The following HCN4 variants were observed in gnomAD, a reference collection of about 807,000 sequenced individuals.
HCN4 encodes potassium/sodium hyperpolarization-activated cyclic nucleotide-gated channel 4.
In HCN4, 29 loss-of-function variants were observed where a neutral mutation model predicts 76.9. The ratio of observed to expected loss-of-function variants is 0.38; its 90% CI spans 0.28 to 0.51. HCN4 has a LOEUF of 0.51. Ranked by LOEUF, HCN4 falls within the 20% of genes least tolerant of loss-of-function variation. The pLI is 0.90. For synonymous variants in HCN4, 772 were observed against 762.5 expected (o/e 1.01, Z -0.21); for missense variants, 1,416 against 1,715.2 (o/e 0.83, Z 3.08).
At chr15:73,355,252 C>T (rs1200749385) in intron 1 of HCN4, among the ~76,000 whole-genome samples, 4 of 152,196 alleles carry the variant, frequency 2.6e-5, no homozygotes, top group Admixed American at 6.5e-5. Context: ...GTTCTAGTCC[C>T]GTCCCTGTCT....
rs2042876700 is a variant in HCN4 at position 73,323,404 on chromosome 15, C to CTGA, written c.2686_2688dup (p.Ser896dup). On this transcript the variant is annotated inframe_insertion, in exon 8 of 8. Coordinates refer to ENST00000261917, the MANE Select transcript of HCN4 (RefSeq NM_005477.3). ...GCTATGGTGGTGGCGGCTACGCCAG[C>CTGA]TGATGGTGTGGGAGCCGAGGGGGAG... is the stretch of plus-strand genomic sequence containing the variant. The CTGA allele has an allele frequency of 1.3e-6, 2 of 1,599,228 alleles. No individual in the cohort carries two copies. The highest frequency in any genetic ancestry group is 2.3e-5 in the East Asian group (1 of 44,242).
intron 4 of HCN4, among the ~76,000 whole-genome samples, chr15:73,326,347 ACC>A (rs1195028690): frequency 2.6e-5 from 4 of 152,180 alleles, no homozygotes; most frequent in Non-Finnish European, 5.9e-5. Context: ...GCACAGAAAC[ACC>A]CACGGGCAAA....
Position 73,343,355 on chromosome 15 carries a change from TCCC to T in HCN4, c.1209+27_1209+29del. 1 of 1,609,962 alleles carries T rather than the reference TCCC, an allele frequency of 6.2e-7. No individual in the cohort carries two copies. Among genetic ancestry groups the T allele is most frequent in the Non-Finnish European group, 8.5e-7 (1 of 1,177,036 alleles). On this transcript the variant is annotated intron_variant, in intron 2 of 7. Coordinates refer to ENST00000261917, the MANE Select transcript of HCN4 (RefSeq NM_005477.3). This position sits in a 1 kb window ranked among gnomAD's most constrained non-coding sequence, Gnocchi z 5.7. Reference sequence around the variant, plus strand: ...CACTCCCTCTGTGGGGAGTGGCCTTTCCCCCAAGAGGTTTGCACTGACCACTTA... The same window carrying T: ...CACTCCCTCTGTGGGGAGTGGCCTTTCCAAGAGGTTTGCACTGACCACTTA...
At chr15:73,355,073 A>G (rs114199076) in intron 1 of HCN4, among the ~76,000 whole-genome samples, 1 of 152,196 alleles carries the variant, frequency 6.6e-6, no homozygotes, top group Non-Finnish European at 1.5e-5. Context: ...TCCAGAAAGG[A>G]GCAGGGGGCA....
chr15:73,351,688 C>A (rs2043055520), intron 1 of HCN4, among the ~76,000 whole-genome samples: 1 of 152,204 alleles, frequency 6.6e-6, no homozygotes, highest in African/African-American at 2.4e-5. Context: ...CCAGCACCCT[C>A]CTCCAATCGA....
At position 73,325,322 on chromosome 15, in the gene HCN4, G is replaced by A. The variant is rs754495351; in HGVS notation, c.1713C>T (p.Gly571=). The change falls in exon 5 of 8, where the codon GGC becomes GGT. Residue 571 remains glycine, a synonymous_variant. Coordinates refer to ENST00000261917, the MANE Select transcript of HCN4 (RefSeq NM_005477.3). This position sits in a 1 kb window ranked among gnomAD's most constrained non-coding sequence, Gnocchi z 7.4. The part of the protein sequence containing the change: ...GKMFDEESIL[G]ELSEPLREEI... ...CCTCCCGCAGGGGCTCGCTTAGCTCGCCCAGGATGCTCTCCTCGTCGAACA... is the reference window on the plus strand; with the variant it reads ...CCTCCCGCAGGGGCTCGCTTAGCTCACCCAGGATGCTCTCCTCGTCGAACA... The A allele has an allele frequency of 8.7e-6, 14 of 1,613,364 alleles. No individual in the cohort carries two copies. Among genetic ancestry groups the A allele is most frequent in the Admixed American group, 3.3e-5 (2 of 59,994 alleles).
intron 6 of HCN4, 71 bp downstream of exon 6, chr15:73,324,884 C>T: frequency 6.3e-7 from 1 of 1,593,828 alleles, no homozygotes. Context: ...CTGCCTCTGT[C>T]CCCTCGGTAT....
chr15:73,345,788 A>G (rs2043027133), intron 1 of HCN4, among the ~76,000 whole-genome samples: 1 of 152,192 alleles, frequency 6.6e-6, no homozygotes, highest in Non-Finnish European at 1.5e-5. Context: ...TGTGCATAGA[A>G]AGGCCACTGA....
At chr15:73,360,513 G>C (rs1206304507) in intron 1 of HCN4, among the ~76,000 whole-genome samples, 1 of 152,130 alleles carries the variant, frequency 6.6e-6, no homozygotes, top group Non-Finnish European at 1.5e-5. Flanking sequence ...TTAATTCTCA[G>C]GAGAATGTTT....
In HCN4 at chr15:73,343,880, T is replaced by G; in HGVS notation, c.786-72A>C. On this transcript the variant is annotated intron_variant, in intron 1 of 7. Coordinates refer to ENST00000261917, the MANE Select transcript of HCN4 (RefSeq NM_005477.3). The surrounding 1 kb of genome is among the most constrained non-coding windows in gnomAD (Gnocchi z 5.7). ...AGTTACAGACTAAGGGAGGAAGATC[T>G]GAGGGACAGCATCTGGGACAGAGAA... The G allele has an allele frequency of 1.3e-6, 2 of 1,502,022 alleles. No homozygotes were observed. The highest frequency in any genetic ancestry group is 1.8e-6 in the Non-Finnish European group (2 of 1,081,770). 93.0% of individuals were successfully genotyped at this position (1,502,022 alleles called of 1,614,324 possible).
At chr15:73,327,307 C>T (rs1223182306) in intron 4 of HCN4, among the ~76,000 whole-genome samples, 1 of 151,750 alleles carries the variant, frequency 6.6e-6, no homozygotes, top group Non-Finnish European at 1.5e-5. Context: ...GATGAAGTTT[C>T]ACCATGTTGG....
intron 2 of HCN4, among the ~76,000 whole-genome samples, chr15:73,342,643 C>A (rs1263299303): frequency 6.6e-6 from 1 of 152,246 alleles, no homozygotes; most frequent in East Asian, 1.9e-4. Flanking sequence ...GGCTTCCTGC[C>A]TTTCCCTGTC....
Position 73,364,194 on chromosome 15 carries a change from G to A in HCN4, c.785+3292C>T, listed in dbSNP as rs549696301. ...GCTTCTGCCTGCCTCCATTATTAAG[G>A]CTGAGCCAGCTTTGGGGGCGCAGCA... On this transcript the variant is annotated intron_variant, in intron 1 of 7. Coordinates refer to ENST00000261917, the MANE Select transcript of HCN4 (RefSeq NM_005477.3). 9.6e-3 allele frequency among the ~76,000 whole-genome samples: 1,464 copies of A among 152,142 alleles called. 8 individuals carry two copies. The highest frequency in any genetic ancestry group is 0.026 in the South Asian group (126 of 4,810).
chr15:73,323,190 G>A lies in HCN4; in HGVS notation c.2903C>T (p.Pro968Leu), dbSNP rs548194804. The A allele has an allele frequency of 4.7e-5, 73 of 1,545,850 alleles. 1 individual carries two copies. The highest frequency in any genetic ancestry group is 1.2e-4 in the African/African-American group (9 of 73,266). Reference protein sequence around the residue: ...FLPPPPSSRSPSSSPGQLGQP... With the variant: ...FLPPPPSSRSLSSSPGQLGQP... ...GCCCAGCTGCCCGGGGCTAGATGAC[G>A]GGGATCTGGATGAGGGTGGGGGTGG... Residue 968 changes from proline (P) to leucine (L), a missense_variant, in exon 8 of 8, where the codon CCG (proline) becomes CTG (leucine). Pro to Leu is a moderately conservative substitution (Grantham distance 98). Around this residue, in one of 6 missense-constraint regions of HCN4, gnomAD observed 633 missense variants for 579.8 expected, o/e 1.09. Transcript: ENST00000261917.
At chr15:73,345,684 C>T (rs1243561271) in intron 1 of HCN4, among the ~76,000 whole-genome samples, 4 of 152,184 alleles carry the variant, frequency 2.6e-5, no homozygotes, top group Non-Finnish European at 4.4e-5. Flanking sequence ...TCCCCATTCA[C>T]ACACACAGTG....
rs1323887002 is a variant in HCN4, at chr15:73,323,833, G to A, written c.2260C>T (p.His754Tyr). The change falls in exon 8 of 8, where the codon CAC becomes TAC. Residue 754 changes from histidine to tyrosine, a missense_variant. By Grantham distance (83) the His-to-Tyr change is moderately conservative. Around this residue, in one of 6 missense-constraint regions of HCN4, gnomAD observed 241 missense variants for 379.4 expected, o/e 0.64. Coordinates refer to ENST00000261917, the MANE Select transcript of HCN4 (RefSeq NM_005477.3). ...QIVQHDREMA[H>Y]CAHRVQAAAS... Reference sequence around the variant, plus strand: ...GCAGCCTGGACGCGGTGCGCGCAGTGGGCCATCTCCCGGTCATGCTGCACA... The same window carrying A: ...GCAGCCTGGACGCGGTGCGCGCAGTAGGCCATCTCCCGGTCATGCTGCACA... 2 of 1,605,852 alleles carry A rather than the reference G, an allele frequency of 1.2e-6. No homozygotes were observed. The highest frequency in any genetic ancestry group is 1.7e-6 in the Non-Finnish European group (2 of 1,179,930).
chr15:73,348,969 G>C (rs887458730), intron 1 of HCN4, among the ~76,000 whole-genome samples: 2 of 152,204 alleles, frequency 1.3e-5, no homozygotes, highest in African/African-American at 4.8e-5. Context: ...GAATGGCACA[G>C]TTTGCATTTC....
intron 1 of HCN4, among the ~76,000 whole-genome samples, chr15:73,357,129 C>T (rs754945786): frequency 6.6e-6 from 1 of 152,210 alleles, no homozygotes; most frequent in African/African-American, 2.4e-5. Context: ...GACTCTTCAG[C>T]GGCTGCCAAT....
chr15:73,329,403 CAGA>C lies in HCN4; in HGVS notation c.1590+167_1590+169del, dbSNP rs145221521. On this transcript the variant is annotated intron_variant, in intron 4 of 7. Coordinates refer to ENST00000261917, the MANE Select transcript of HCN4 (RefSeq NM_005477.3). ...GGGGCCAGGCCAGGGAGCTGAAACT[CAGA>C]TTCTCATCTCAGAGGTGTCTCCCTC... Among the ~76,000 whole-genome samples the C allele has an allele frequency of 9.3e-3, 1,415 of 152,340 alleles. 22 individuals carry two copies. The highest frequency in any genetic ancestry group is 0.029 in the African/African-American group (1,221 of 41,570).
Sources: allele counts gnomAD v4.1 joint callset (sites outside exome capture counted in the v4.1 genomes callset), GRCh38; gene constraint gnomAD v4.1.1; regional missense constraint gnomAD v4.1.1; non-coding constraint Gnocchi (gnomAD v3.1); transcripts MANE v1.5; gene names NCBI Gene and HGNC (gene_info 2026-07-23, HGNC 2026-07-21).